The following ENPP6 variants were observed in gnomAD, a reference collection of about 807,000 sequenced individuals.
ENPP6 encodes the protein glycerophosphocholine cholinephosphodiesterase ENPP6.
A neutral mutation model predicts 42.0 loss-of-function variants in ENPP6; 32 were observed. The observed-to-expected ratio is 0.76, with a 90% CI of 0.58 to 1.02. ENPP6 has a LOEUF of 1.02. ENPP6 is among the 50% of genes least tolerant of loss of function. The probability of loss-of-function intolerance (pLI) is 0.00; values close to 1 mark genes in which losing one functional copy is unlikely to be tolerated. For missense variants in ENPP6, 552 were observed against 566.8 expected (o/e 0.97, Z 0.27); for synonymous variants, 213 against 216.0 (o/e 0.99, Z 0.12).
Position 184,124,281 on chromosome 4 carries a change from G to T in ENPP6, c.422-9C>A. The T allele has an allele frequency of 6.2e-7, 1 of 1,600,954 alleles. No homozygotes were observed. The highest frequency in any genetic ancestry group is 1.1e-5 in the South Asian group (1 of 90,246). On this transcript the variant is annotated splice_polypyrimidine_tract_variant and intron_variant, in intron 2 of 7. Transcript: ENST00000296741. ...AATCTCAACCTCACAGCCTGAGAAG[G>T]AAAAAGATGGCAAATAGTTACTCTC...
rs376993212 is a variant in ENPP6 at position 184,131,201 on chromosome 4, C to CTTTCTTTCTTTCTTTCTT, written c.422-6930_422-6929insAAGAAAGAAAGAAAGAAA. 3.3e-4 allele frequency among the ~76,000 whole-genome samples: 23 copies of CTTTCTTTCTTTCTTTCTT among 70,678 alleles called. 1 individual carries two copies. Among genetic ancestry groups the CTTTCTTTCTTTCTTTCTT allele is most frequent in the African/African-American group, 9.2e-4 (16 of 17,314 alleles). 46.4% of individuals were successfully genotyped at this position (70,678 alleles called of 152,430 possible). On this transcript the variant is annotated intron_variant, in intron 2 of 7. Transcript: ENST00000296741. ...TCTTTCTTTCTTTCTTTCTTTCTTTCTTCTTTCTTTCTTTCTTTTTCTTTC... is the reference window on the plus strand; with the variant it reads ...TCTTTCTTTCTTTCTTTCTTTCTTTCTTTCTTTCTTTCTTTCTTTTCTTTCTTTCTTTCTTTTTCTTTC...
rs1732603349 is a variant in ENPP6, at chr4:184,184,707, AGGCAGAGGT to A, written c.242-30983_242-30975del. ...AAGGGAGACAGTCACATGTCAATAG[AGGCAGAGGT>A]GGAAGTGATGGGTCCACAGGCCCAA... On this transcript the variant is annotated intron_variant, in intron 1 of 7. Transcript: ENST00000296741. The surrounding 1 kb of genome is among the most constrained non-coding windows in gnomAD (Gnocchi z 4.7). 6.6e-6 allele frequency among the ~76,000 whole-genome samples: 1 copy of A among 152,172 alleles called. No homozygotes were observed. The highest frequency in any genetic ancestry group is 1.5e-5 in the Non-Finnish European group (1 of 68,032).
At chr4:184,215,549 A>G (rs1287705771) in intron 1 of ENPP6, among the ~76,000 whole-genome samples, 1 of 152,186 alleles carries the variant, frequency 6.6e-6, no homozygotes, top group Non-Finnish European at 1.5e-5. Flanking sequence ...TTCTGCTTCA[A>G]GTCTGCAAGT....
At chr4:184,212,086 T>C (rs1733122331) in intron 1 of ENPP6, among the ~76,000 whole-genome samples, 1 of 151,954 alleles carries the variant, frequency 6.6e-6, no homozygotes, top group South Asian at 2.1e-4. Flanking sequence ...ATGGGACTTA[T>C]TTCAAAATAA....
chr4:184,124,898 G>T (rs1736476515), intron 2 of ENPP6, among the ~76,000 whole-genome samples: 3 of 152,144 alleles, frequency 2.0e-5, no homozygotes, highest in Admixed American at 2.0e-4. Flanking sequence ...TTCTGCCCCA[G>T]ACTCCTGGAC....
intron 6 of ENPP6, among the ~76,000 whole-genome samples, chr4:184,111,560 AGGGACCCTCACCTT>A (rs1736196030): frequency 6.6e-6 from 1 of 152,244 alleles, no homozygotes; most frequent in Admixed American, 6.5e-5. Context: ...TAGGGAACAG[AGGGACCCTCACCTT>A]GTAAACCACG....
intron 1 of ENPP6, among the ~76,000 whole-genome samples, chr4:184,209,394 A>G (rs1360849023): frequency 6.6e-6 from 1 of 151,246 alleles, no homozygotes; most frequent in Non-Finnish European, 1.5e-5. Context: ...TGCTTAAAGG[A>G]GCTGATGGAG....
chr4:184,198,698 T>C (rs1732842691), intron 1 of ENPP6, among the ~76,000 whole-genome samples: 1 of 152,246 alleles, frequency 6.6e-6, no homozygotes, highest in African/African-American at 2.4e-5. Flanking sequence ...CAAATGGGGA[T>C]TTAATCAATA....
At chr4:184,169,229 G>T (rs1408081782) in intron 1 of ENPP6, among the ~76,000 whole-genome samples, 1 of 152,146 alleles carries the variant, frequency 6.6e-6, no homozygotes, top group Non-Finnish European at 1.5e-5. Flanking sequence ...TCCAGCCCTA[G>T]CCAGGCCAGC....
intron 1 of ENPP6, among the ~76,000 whole-genome samples, chr4:184,208,099 G>A (rs1027235465): frequency 2.6e-5 from 4 of 151,784 alleles, no homozygotes; most frequent in Admixed American, 6.6e-5. Flanking sequence ...ACAGGAGGAT[G>A]AGGACACATT....
chr4:184,131,486 T>C lies in ENPP6; in HGVS notation c.422-7214A>G, dbSNP rs568789159. Among the ~76,000 whole-genome samples the C allele has an allele frequency of 2.7e-5, 4 of 150,476 alleles. No homozygotes were observed. In the South Asian group the frequency reaches 8.4e-4, roughly 32 times the overall value. Reference sequence around the variant, plus strand: ...TCCTGCCTTAGCCTCCCCGAGTAGCTGGGACTACAGGCACCCATCACCATG... The same window carrying C: ...TCCTGCCTTAGCCTCCCCGAGTAGCCGGGACTACAGGCACCCATCACCATG... On this transcript the variant is annotated intron_variant, in intron 2 of 7. Coordinates refer to ENST00000296741, the MANE Select transcript of ENPP6 (RefSeq NM_153343.4).
At chr4:184,121,653 G>T (rs1264106414) in intron 3 of ENPP6, among the ~76,000 whole-genome samples, 6 of 152,240 alleles carry the variant, frequency 3.9e-5, no homozygotes, top group African/African-American at 1.4e-4. Context: ...CTGATGGACA[G>T]ACCAATAAGC....
At chr4:184,147,605 C>T (rs1736949271) in intron 2 of ENPP6, among the ~76,000 whole-genome samples, 1 of 151,900 alleles carries the variant, frequency 6.6e-6, no homozygotes, top group African/African-American at 2.4e-5. Context: ...CATAGTAAAC[C>T]CCCGCCACCC....
chr4:184,103,763 C>T (rs188075667), intron 6 of ENPP6, among the ~76,000 whole-genome samples: 5 of 152,314 alleles, frequency 3.3e-5, no homozygotes, highest in African/African-American at 1.2e-4. Context: ...GATGTGTTTG[C>T]CACATGCCGC....
chr4:184,106,461 A>C (rs1003780908), intron 6 of ENPP6, among the ~76,000 whole-genome samples: 2 of 152,010 alleles, frequency 1.3e-5, no homozygotes, highest in African/African-American at 4.8e-5. Flanking sequence ...CACCTGGCCC[A>C]TTCTTTCCAT....
chr4:184,196,225 C>T (rs567583603), intron 1 of ENPP6, among the ~76,000 whole-genome samples: 40 of 152,384 alleles, frequency 2.6e-4, no homozygotes, highest in Middle Eastern at 3.4e-3. Context: ...ACTGTCGCCT[C>T]AGCGAACCTT....
At chr4:184,186,274 G>C (rs1004191049) in intron 1 of ENPP6, among the ~76,000 whole-genome samples, 4 of 152,186 alleles carry the variant, frequency 2.6e-5, no homozygotes, top group Non-Finnish European at 4.4e-5. Flanking sequence ...GAATGAAAAT[G>C]AAGCTCAAAA....
Position 184,184,881 on chromosome 4 carries a change from A to C in ENPP6, c.242-31148T>G, listed in dbSNP as rs1732606363. On this transcript the variant is annotated intron_variant, in intron 1 of 7. Coordinates refer to ENST00000296741, the MANE Select transcript of ENPP6 (RefSeq NM_153343.4). This position sits in a 1 kb window ranked among gnomAD's most constrained non-coding sequence, Gnocchi z 4.7. ...CATGGCAGTCGATTCCTGTTGTCTGAGCCACCCAGCGTGTGGAGTGTGTGA... is the reference window on the plus strand; with the variant it reads ...CATGGCAGTCGATTCCTGTTGTCTGCGCCACCCAGCGTGTGGAGTGTGTGA... 6.6e-6 allele frequency among the ~76,000 whole-genome samples: 1 copy of C among 152,002 alleles called. No homozygotes were observed. The highest frequency in any genetic ancestry group is 1.5e-5 in the Non-Finnish European group (1 of 67,984).
At chr4:184,117,698 G>A in intron 4 of ENPP6, 61 bp downstream of exon 4, 1 of 1,596,268 alleles carries the variant, frequency 6.3e-7, no homozygotes, top group Admixed American at 1.7e-5. Context: ...AGTGACTGTG[G>A]AGGAGACAAA....
Sources: gnomAD v4.1 joint callset for allele counts (sites outside exome capture counted in the v4.1 genomes callset) on GRCh38, gnomAD v4.1.1 for gene constraint, Gnocchi (gnomAD v3.1) non-coding constraint, MANE v1.5 for transcripts, NCBI Gene and HGNC (gene_info 2026-07-23, HGNC 2026-07-21) for gene names.